MED30: variants seen among roughly 807,000 people sequenced by gnomAD.
MED30 encodes the protein mediator complex subunit 30, also known as mediator of RNA polymerase II transcription subunit 30.
MED30 carries 8 observed loss-of-function variants against 21.7 expected under a neutral mutation model. That is an observed-to-expected ratio of 0.37 (90% CI 0.22 to 0.67). The LOEUF (loss-of-function observed/expected upper bound fraction) is 0.67, where lower values mean the gene tolerates loss of function less well. MED30 is among the 30% of genes least tolerant of loss of function. The pLI, the probability that MED30 is intolerant of heterozygous loss-of-function variation, is 0.58. For missense variants in MED30, 203 were observed against 228.2 expected (o/e 0.89, Z 0.71); for synonymous variants, 79 against 86.7 (o/e 0.91, Z 0.49).
intron 3 of MED30, among the ~76,000 whole-genome samples, chr8:117,535,241 T>G (rs966806407): frequency 7.2e-5 from 9 of 125,422 alleles, no homozygotes; most frequent in Middle Eastern, 3.6e-3. Context: ...CATTGATACT[T>G]TTTTTTTTTT....
intron 1 of MED30, among the ~76,000 whole-genome samples, chr8:117,525,466 G>A (rs1266178145): frequency 6.6e-6 from 1 of 150,920 alleles, no homozygotes; most frequent in African/African-American, 2.4e-5. Flanking sequence ...TTACCTTTTG[G>A]CTCTGCTAAT....
At chr8:117,526,253 T>C (rs866296492) in intron 1 of MED30, among the ~76,000 whole-genome samples, 1 of 152,162 alleles carries the variant, frequency 6.6e-6, no homozygotes, top group Middle Eastern at 3.4e-3. Context: ...AAATAGATTA[T>C]GATGCTTTCT....
chr8:117,535,300 A>C (rs964745800), intron 3 of MED30, among the ~76,000 whole-genome samples: 4 of 141,922 alleles, frequency 2.8e-5, no homozygotes, highest in Non-Finnish European at 6.0e-5. Context: ...GCTGGAGTGC[A>C]GTGGCACGAT....
At chr8:117,539,819 A>T in intron 3 of MED30, 64 bp from the exon 4 acceptor site, 1 of 946,008 alleles carries the variant, frequency 1.1e-6, no homozygotes, top group Non-Finnish European at 1.6e-6. Flanking sequence ...ATGATATTTT[A>T]ATCTTCTAAC....
intron 2 of MED30, among the ~76,000 whole-genome samples, chr8:117,529,446 G>T (rs1487993275): frequency 6.6e-6 from 1 of 151,890 alleles, no homozygotes; most frequent in Non-Finnish European, 1.5e-5. Flanking sequence ...TCAGAAATGT[G>T]GCCTACATCG....
At chr8:117,529,134 T>A (rs1442054090) in intron 2 of MED30, among the ~76,000 whole-genome samples, 4 of 151,834 alleles carry the variant, frequency 2.6e-5, no homozygotes. Flanking sequence ...GGAATTTTAA[T>A]AGTATCATAT....
chr8:117,527,953 G>C (rs1323576303), intron 1 of MED30, among the ~76,000 whole-genome samples: 1 of 151,642 alleles, frequency 6.6e-6, no homozygotes, highest in African/African-American at 2.4e-5. Context: ...TTGTTTACCT[G>C]TCATTTTATT....
At chr8:117,532,895 A>G (rs896498282) in intron 3 of MED30, among the ~76,000 whole-genome samples, 1 of 152,060 alleles carries the variant, frequency 6.6e-6, no homozygotes, top group Non-Finnish European at 1.5e-5. Flanking sequence ...TAGATGTATG[A>G]GACATTCACT....
chr8:117,523,864 G>A lies in MED30; in HGVS notation c.177+2811G>A, dbSNP rs1436735265. On this transcript the variant is annotated intron_variant, in intron 1 of 3. Coordinates refer to ENST00000297347, the MANE Select transcript of MED30 (RefSeq NM_080651.4). ...TCTACTAAAAATACAAAAATTAGCC[G>A]GGCGTGGTGGCGGGCGCCTGTAATC... is the stretch of plus-strand genomic sequence containing the variant. The A allele has an allele frequency of 9.3e-5, 40 of 429,310 alleles. 1 individual carries two copies. In the Admixed American group the frequency reaches 1.0e-3, roughly 11 times the overall value. 26.6% of individuals were successfully genotyped at this position (429,310 alleles called of 1,614,324 possible).
chr8:117,528,266 CT>C (rs556319162), intron 1 of MED30, among the ~76,000 whole-genome samples: 3 of 149,012 alleles, frequency 2.0e-5, no homozygotes, highest in African/African-American at 4.9e-5. Context: ...ATCAGATTCA[CT>C]TTTTTTTTTA....
intron 1 of MED30, among the ~76,000 whole-genome samples, chr8:117,526,765 A>G (rs1167787899): frequency 6.6e-6 from 1 of 151,918 alleles, no homozygotes; most frequent in African/African-American, 2.4e-5. Flanking sequence ...TTTTCTTTTT[A>G]ATGATTTAGT....
At chr8:117,539,178 A>T (rs1262314741) in intron 3 of MED30, among the ~76,000 whole-genome samples, 1 of 152,202 alleles carries the variant, frequency 6.6e-6, no homozygotes, top group Non-Finnish European at 1.5e-5. Context: ...TTAAATAATT[A>T]GGTCAGTGTT....
intron 1 of MED30, among the ~76,000 whole-genome samples, chr8:117,524,849 C>T (rs10095891): frequency 0.056 from 8,515 of 152,094 alleles, 484 homozygotes; most frequent in African/African-American, 0.15. Flanking sequence ...ATATTATACA[C>T]AACCATTTTG....
At chr8:117,531,171 T>G in intron 3 of MED30, among the ~76,000 whole-genome samples, 1 of 152,156 alleles carries the variant, frequency 6.6e-6, no homozygotes, top group East Asian at 1.9e-4. Context: ...AAATATGAAA[T>G]GTGAATGTCT....
At chr8:117,534,685 ACT>A (rs1301004914) in intron 3 of MED30, among the ~76,000 whole-genome samples, 1 of 152,044 alleles carries the variant, frequency 6.6e-6, no homozygotes, top group African/African-American at 2.4e-5. Flanking sequence ...TGACCTCATA[ACT>A]CTCTTTGTAT....
chr8:117,539,092 C>G (rs1422735997), intron 3 of MED30, among the ~76,000 whole-genome samples: 8 of 152,224 alleles, frequency 5.3e-5, no homozygotes, highest in Admixed American at 5.2e-4. Flanking sequence ...ACCATTTAAT[C>G]TTCATAACAG....
At chr8:117,532,695 A>T (rs553734456) in intron 3 of MED30, among the ~76,000 whole-genome samples, 5 of 152,232 alleles carry the variant, frequency 3.3e-5, no homozygotes, top group Non-Finnish European at 7.4e-5. Context: ...AGATGGATAG[A>T]TTTTATAAAA....
In MED30 at chr8:117,540,144, A is replaced by G. The variant is rs1818954691; in HGVS notation, c.*166A>G. 12 of 415,970 alleles carry G rather than the reference A, an allele frequency of 2.9e-5. No individual in the cohort carries two copies. The East Asian group carries it at 5.1e-4, about 18-fold the overall frequency. 25.8% of individuals were successfully genotyped at this position (415,970 alleles called of 1,614,324 possible). ...TACATTAAAATATTAACTTTTTTTA[A>G]TGCTATTTTATGAAAGATTATTGTA... On this transcript the variant is annotated 3_prime_UTR_variant, in exon 4 of 4. Coordinates refer to ENST00000297347, the MANE Select transcript of MED30 (RefSeq NM_080651.4).
rs1818782039 is a variant in MED30, at chr8:117,530,758, G to C, written c.372G>C (p.Lys124Asn). The C allele has an allele frequency of 6.2e-7, 1 of 1,612,428 alleles. No individual in the cohort carries two copies. The highest frequency in any genetic ancestry group is 1.7e-5 in the Admixed American group (1 of 59,858). ...CATATGTGGAAGAAGATGGCTCAAA[G>C]AATGATGATCGGGCTGGCCCACCTC... ...LIPYVEEDGSKNDDRAGPPRF... is the reference protein window; with the variant it reads ...LIPYVEEDGSNNDDRAGPPRF... Residue 124 changes from lysine (K) to asparagine (N), a missense_variant, in exon 3 of 4, where the codon AAG (lysine) becomes AAC (asparagine). Transcript: ENST00000297347.
Sources: allele counts gnomAD v4.1 joint callset (sites outside exome capture counted in the v4.1 genomes callset), GRCh38; gene constraint gnomAD v4.1.1; transcripts MANE v1.5; gene names NCBI Gene and HGNC (gene_info 2026-07-23, HGNC 2026-07-21).